The following CCDC157 variants were observed in gnomAD, a reference collection of about 807,000 sequenced individuals.
CCDC157 encodes the protein coiled-coil domain containing 157.
CCDC157 carries 60 observed loss-of-function variants against 70.9 expected under a neutral mutation model. That is an observed-to-expected ratio of 0.85 (90% CI 0.69 to 1.05). CCDC157 has a LOEUF of 1.05. Ranked by LOEUF, CCDC157 falls within the 50% of genes least tolerant of loss-of-function variation. CCDC157 has a pLI of 0.00. For synonymous variants in CCDC157, 373 were observed against 422.4 expected (o/e 0.88, Z 1.43); for missense variants, 943 against 984.2 (o/e 0.96, Z 0.56).
intron 7 of CCDC157, 34 bp downstream of exon 7, chr22:30,372,320 G>A (rs746386413): frequency 6.7e-7 from 1 of 1,486,454 alleles, no homozygotes; most frequent in Non-Finnish European, 8.9e-7. Context: ...CTGGGCATCT[G>A]CAATGTAGGC....
intron 1 of CCDC157, among the ~76,000 whole-genome samples, chr22:30,359,417 C>T (rs1207795150): frequency 6.6e-6 from 1 of 152,152 alleles, no homozygotes; most frequent in Admixed American, 6.5e-5. Context: ...ACAAGCTTAC[C>T]CCTTGCGGAG....
Position 30,378,057 on chromosome 22 carries a change from C to T in CCDC157, c.*1312C>T, listed in dbSNP as rs1190452513. The T allele has an allele frequency of 4.3e-6, 2 of 469,852 alleles. No homozygotes were observed. The highest frequency in any genetic ancestry group is 1.4e-4 in the East Asian group (2 of 14,392). 29.1% of individuals were successfully genotyped at this position (469,852 alleles called of 1,614,324 possible). On this transcript the variant is annotated 3_prime_UTR_variant, in exon 12 of 12. Transcript: ENST00000338306. ...CCTTGCGGCTGTGGGACTGAGGTCC[C>T]CATGTCCTCGCTGGCTGGCTGTAAG... is the stretch of plus-strand genomic sequence containing the variant.
intron 1 of CCDC157, among the ~76,000 whole-genome samples, chr22:30,357,950 C>T (rs1388880682): frequency 6.6e-6 from 1 of 152,184 alleles, no homozygotes; most frequent in East Asian, 1.9e-4. Flanking sequence ...ACGCATGAGC[C>T]ATCACGCAGG....
chr22:30,376,943 T>C lies in CCDC157; in HGVS notation c.*198T>C. 1.6e-6 allele frequency: 1 copy of C among 609,536 alleles called. No homozygotes were observed. 37.8% of individuals were successfully genotyped at this position (609,536 alleles called of 1,614,324 possible). A position where few individuals can be genotyped will look rare whatever the true frequency, so the allele number is the denominator to read the frequency against. On this transcript the variant is annotated 3_prime_UTR_variant, in exon 12 of 12. Transcript: ENST00000338306. ...CAGTCAGTCAGCAGAGTCCTGGCAC[T>C]ATGGGCCCTCAGTAAAAGGGGCCTT...
rs1294336355 is a variant in CCDC157 at position 30,372,080 on chromosome 22, A to G, written c.1129A>G (p.Lys377Glu). Reference protein sequence around the residue: ...QRESTQAVEAKAQQLQEEGER... With the variant: ...QRESTQAVEAEAQQLQEEGER... The stretch of plus-strand genomic sequence containing the variant: ...ATGTCCACTTAATGCTGCAGAGGCA[A>G]AGGCCCAGCAGCTGCAGGAGGAAGG... Residue 377 changes from lysine (K) to glutamate (E), a missense_variant, in exon 7 of 12, where the codon AAG (lysine) becomes GAG (glutamate). Lys to Glu is a moderately conservative substitution (Grantham distance 56, BLOSUM62 1). Transcript: ENST00000338306. 6.5e-7 allele frequency: 1 copy of G among 1,539,100 alleles called. No individual in the cohort carries two copies. Among genetic ancestry groups the G allele is most frequent in the Admixed American group, 2.0e-5 (1 of 50,932 alleles).
Position 30,366,133 on chromosome 22 carries a change from C to G in CCDC157, c.133C>G (p.Arg45Gly). 3 of 1,613,666 alleles carry G rather than the reference C, an allele frequency of 1.9e-6. No individual in the cohort carries two copies. Among genetic ancestry groups the G allele is most frequent in the Non-Finnish European group, 2.5e-6 (3 of 1,180,034 alleles). ...CTTCCCCTCCTGGAAGTTCCCTGAC[C>G]GCATGGCCTGTGACCTCGACATGGT... is the stretch of plus-strand genomic sequence containing the variant. ...VRFPSWKFPD[R>G]MACDLDMVAL... Residue 45 changes from arginine (R) to glycine (G), a missense_variant, in exon 3 of 12, where the codon CGC becomes GGC. Transcript: ENST00000338306.
intron 1 of CCDC157, among the ~76,000 whole-genome samples, chr22:30,359,163 G>A (rs1932157289): frequency 6.6e-6 from 1 of 152,192 alleles, no homozygotes; most frequent in East Asian, 1.9e-4. Flanking sequence ...CTCCCAGGTT[G>A]GGGGCTTCTT....
intron 8 of CCDC157, 63 bp downstream of exon 8, chr22:30,373,827 T>C (rs531509807): frequency 2.7e-5 from 41 of 1,533,154 alleles, no homozygotes; most frequent in Admixed American, 4.0e-5. Flanking sequence ...CCTGCAGGCC[T>C]GTCCCATGTC....
At chr22:30,374,493 G>A in intron 9 of CCDC157, 1 of 466,926 alleles carries the variant, frequency 2.1e-6, no homozygotes, top group Non-Finnish European at 4.3e-6. Flanking sequence ...GCCTCCAGCT[G>A]CCCACTGTCC....
chr22:30,376,116 C>A (rs1933336779), intron 10 of CCDC157, 143 bp from the exon 11 acceptor site: 4 of 700,602 alleles, frequency 5.7e-6, no homozygotes, highest in Non-Finnish European at 9.7e-6. Context: ...TGGAAGGCTT[C>A]CTAGGCCCTG....
At chr22:30,367,089 T>G (rs1230906772) in intron 3 of CCDC157, 1 of 151,308 alleles carries the variant, frequency 6.6e-6, no homozygotes, top group African/African-American at 2.4e-5. Flanking sequence ...AAAATAAAGT[T>G]AACATGGTGT....
chr22:30,375,550 G>A lies in CCDC157; in HGVS notation c.1744G>A (p.Glu582Lys). 1 of 1,614,216 alleles carries A rather than the reference G, an allele frequency of 6.2e-7. No homozygotes were observed. Among genetic ancestry groups the A allele is most frequent in the Non-Finnish European group, 8.5e-7 (1 of 1,180,046 alleles). The part of the protein sequence containing the change: ...TDSGNVTDHM[E>K]RQVQSNDIRI... ...CTCTGGCAACGTCACAGATCACATG[G>A]AGAGGCAAGTGCAGTCCAACGACAT... Residue 582 changes from glutamate (E) to lysine (K), a missense_variant, in exon 10 of 12, where the codon GAG (glutamate) becomes AAG (lysine). By Grantham distance (56) the Glu-to-Lys change is moderately conservative. Coordinates refer to ENST00000338306, the MANE Select transcript of CCDC157 (RefSeq NM_001017437.5).
At chr22:30,362,304 C>T (rs1300903585) in intron 2 of CCDC157, among the ~76,000 whole-genome samples, 190 bp downstream of exon 2, 1 of 152,230 alleles carries the variant, frequency 6.6e-6, no homozygotes, top group Non-Finnish European at 1.5e-5. Flanking sequence ...TGATTCCATT[C>T]TGGCGGTGGT....
In CCDC157 at chr22:30,376,293, G is replaced by A; in HGVS notation, c.1892G>A (p.Ser631Asn). 6.2e-7 allele frequency: 1 copy of A among 1,602,574 alleles called. No individual in the cohort carries two copies. The highest frequency in any genetic ancestry group is 8.5e-7 in the Non-Finnish European group (1 of 1,174,912). The stretch of plus-strand genomic sequence containing the variant: ...CAGGACCGGCTCTGGTCCCCTTCCA[G>A]CAAGGGAACCCAGGGAGCAACACCA... ...IPQDRLWSPS[S>N]KGTQGATPPV... Residue 631 changes from serine to asparagine, a missense_variant, in exon 11 of 12, where the codon AGC becomes AAC. By Grantham distance (46) the Ser-to-Asn change is conservative. Coordinates refer to ENST00000338306, the MANE Select transcript of CCDC157 (RefSeq NM_001017437.5).
chr22:30,374,851 G>A, intron 9 of CCDC157: 1 of 424,272 alleles, frequency 2.4e-6, no homozygotes, highest in African/African-American at 2.0e-5. Flanking sequence ...TCCCAAGCTT[G>A]AGCTGGCCGT....
At position 30,370,892 on chromosome 22, in the gene CCDC157, G is replaced by A. The variant is rs141347000; in HGVS notation, c.987G>A (p.Ala329=). The change falls in exon 5 of 12, where the codon GCG becomes GCA. Residue 329 remains alanine (A), a synonymous_variant. Transcript: ENST00000338306. Reference sequence around the variant, plus strand: ...AGCAGGGGGCACGGCGGCGACAGGCGGAGGAGGATGAGCAGTGCCTGTCTG... The same window carrying A: ...AGCAGGGGGCACGGCGGCGACAGGCAGAGGAGGATGAGCAGTGCCTGTCTG... The part of the protein sequence containing the change: ...KQEQGARRRQ[A]EEDEQCLSEW... 3.7e-6 allele frequency: 6 copies of A among 1,611,154 alleles called. No homozygotes were observed. Among genetic ancestry groups the A allele is most frequent in the Middle Eastern group, 2.0e-4 (1 of 5,008 alleles).
In CCDC157 at chr22:30,376,855, C is replaced by T; in HGVS notation, c.*110C>T. 3 of 1,131,582 alleles carry T rather than the reference C, an allele frequency of 2.7e-6. No individual in the cohort carries two copies. The highest frequency in any genetic ancestry group is 2.4e-5 in the Admixed American group (1 of 41,878). The allele number at this position is 1,131,582 out of a possible 1,614,324, so 70.1% of individuals were successfully genotyped here. On this transcript the variant is annotated 3_prime_UTR_variant, in exon 12 of 12. Coordinates refer to ENST00000338306, the MANE Select transcript of CCDC157 (RefSeq NM_001017437.5). ...TCTTTGCCTCACAGTATGACTGAGCCAAGGAAAGAACCCTTCCTTCCCTGT... is the reference window on the plus strand; with the variant it reads ...TCTTTGCCTCACAGTATGACTGAGCTAAGGAAAGAACCCTTCCTTCCCTGT...
upstream of CCDC157, chr22:30,356,705 A>G: frequency 6.8e-7 from 1 of 1,469,762 alleles, no homozygotes; most frequent in Non-Finnish European, 9.1e-7. Context: ...CTCCGGCTGC[A>G]GGCTGAGGGG....
intron 4 of CCDC157, 30 bp from the exon 5 acceptor site, chr22:30,370,296 C>T (rs1601734080): frequency 1.9e-6 from 3 of 1,607,488 alleles, no homozygotes; most frequent in Non-Finnish European, 2.6e-6. Context: ...TCTCCCTCAC[C>T]TGCTTTCCCT....
Sources: allele counts gnomAD v4.1 joint callset (sites outside exome capture counted in the v4.1 genomes callset), GRCh38; gene constraint gnomAD v4.1.1; transcripts MANE v1.5; gene names NCBI Gene and HGNC (gene_info 2026-07-23, HGNC 2026-07-21).